The following RORA variants were observed in gnomAD, a reference collection of about 807,000 sequenced individuals.
The protein encoded by RORA is RAR related orphan receptor A.
In RORA, 7 loss-of-function variants were observed where a neutral mutation model predicts 69.5. The observed-to-expected ratio is 0.10, with a 90% confidence interval of 0.06 to 0.19. RORA has a LOEUF of 0.19. Ranked by LOEUF, RORA falls within the 10% of genes least tolerant of loss-of-function variation. The pLI, the probability that RORA is intolerant of heterozygous loss-of-function variation, is 1.00. For missense variants in RORA, 457 were observed against 663.0 expected, an observed-to-expected ratio of 0.69 and a Z score of 3.41; for synonymous variants, 261 against 240.8, an observed-to-expected ratio of 1.08 and a Z score of -0.78.
At position 60,950,582 on chromosome 15, in the gene RORA, G is replaced by C. The variant is rs1478878995; in HGVS notation, c.167-271896C>G. Among the ~76,000 whole-genome samples the C allele has an allele frequency of 6.3e-3, 855 of 136,658 alleles. 9 individuals are homozygous for C. Among genetic ancestry groups the C allele is most frequent in the African/African-American group, 0.023 (814 of 35,746 alleles). 89.7% of individuals were successfully genotyped at this position (136,658 alleles called of 152,430 possible). On this transcript the variant is annotated intron_variant, in intron 1 of 10. Coordinates refer to ENST00000335670, the MANE Select transcript of RORA (RefSeq NM_134261.3). ...AGACACACATAGGCTCAAAATAAAA[G>C]GATGGAGGAAGATCTACCAAGCAAA...
intron 2 of RORA, among the ~76,000 whole-genome samples, chr15:60,578,659 C>A (rs2068097975): frequency 6.6e-6 from 1 of 151,980 alleles, no homozygotes; most frequent in Non-Finnish European, 1.5e-5. Flanking sequence ...TTTATGCAAA[C>A]TTCCAATTTT....
intron 2 of RORA, among the ~76,000 whole-genome samples, chr15:60,590,250 C>T (rs1440480190): frequency 6.6e-6 from 1 of 151,396 alleles, no homozygotes; most frequent in African/African-American, 2.4e-5. Flanking sequence ...ACTTCTGAGG[C>T]ACTTTTTTCA....
At chr15:60,670,056 TC>T (rs2070440950) in intron 2 of RORA, among the ~76,000 whole-genome samples, 1 of 152,168 alleles carries the variant, frequency 6.6e-6, no homozygotes, top group South Asian at 2.1e-4. Flanking sequence ...CAGCCTCTGT[TC>T]CTCAGACCCC....
intron 1 of RORA, among the ~76,000 whole-genome samples, chr15:61,212,478 C>A (rs2080002204): frequency 6.6e-6 from 1 of 152,206 alleles, no homozygotes; most frequent in South Asian, 2.1e-4. Flanking sequence ...CAGCTCCCTG[C>A]AACCTCTGCC....
In RORA at chr15:60,525,650, G is replaced by C. The variant is rs1240417320; in HGVS notation, c.282+6116C>G. On this transcript the variant is annotated intron_variant, in intron 3 of 10. Coordinates refer to ENST00000335670, the MANE Select transcript of RORA (RefSeq NM_134261.3). ...CATAACTCTGTGATTTATTGTGAAT[G>C]CTCGTATGCCTGCCCAAATTATTGT... Among the ~76,000 whole-genome samples the C allele has an allele frequency of 2.0e-5, 3 of 152,282 alleles. No homozygotes were observed. In the East Asian group the frequency reaches 5.8e-4, roughly 29 times the overall value.
chr15:60,757,843 C>T (rs76511900), intron 1 of RORA, among the ~76,000 whole-genome samples: 4,356 of 152,244 alleles, frequency 0.029, 212 homozygotes, highest in African/African-American at 0.1. Flanking sequence ...CCTCTTCCCT[C>T]CTTCCTTTTC....
At chr15:61,003,353 T>G in intron 1 of RORA, among the ~76,000 whole-genome samples, 1 of 152,186 alleles carries the variant, frequency 6.6e-6, no homozygotes, top group East Asian at 1.9e-4. Context: ...ATTTGAAATC[T>G]GGGGATTCCA....
intron 1 of RORA, among the ~76,000 whole-genome samples, chr15:61,004,282 A>AAG (rs35135599): frequency 1.1e-4 from 16 of 151,778 alleles, no homozygotes; most frequent in African/African-American, 3.6e-4. Flanking sequence ...GGGAGAGAGA[A>AAG]AGAGAGAGAG....
chr15:60,741,574 C>T (rs564523956), intron 1 of RORA, among the ~76,000 whole-genome samples: 171 of 152,282 alleles, frequency 1.1e-3, no homozygotes, highest in African/African-American at 3.9e-3. Context: ...CTGCTGTTGG[C>T]TCCTCCCTGT....
intron 1 of RORA, among the ~76,000 whole-genome samples, chr15:61,164,081 T>C (rs17237759): frequency 6.6e-6 from 1 of 151,992 alleles, no homozygotes; most frequent in South Asian, 2.1e-4. Context: ...CAAGAGAGTG[T>C]AGGTGTCTGT....
intron 5 of RORA, among the ~76,000 whole-genome samples, chr15:60,507,319 CTT>C (rs1212455427): frequency 2.6e-5 from 4 of 152,122 alleles, no homozygotes; most frequent in Non-Finnish European, 2.9e-5. Context: ...GGGAGAATAT[CTT>C]TTTGTTTGGA....
At chr15:61,045,608 G>T (rs757042929) in intron 1 of RORA, among the ~76,000 whole-genome samples, 3 of 152,086 alleles carry the variant, frequency 2.0e-5, no homozygotes, top group Non-Finnish European at 4.4e-5. Context: ...TCATCCAAGG[G>T]GTGTACCAGG....
At chr15:60,826,765 C>CT (rs869072094) in intron 1 of RORA, among the ~76,000 whole-genome samples, 54 of 85,614 alleles carry the variant, frequency 6.3e-4, no homozygotes, top group South Asian at 1.2e-3. Flanking sequence ...CTCTCTCTCT[C>CT]CCTCTCTCTC....
At chr15:61,091,925 G>A (rs985790965) in intron 1 of RORA, among the ~76,000 whole-genome samples, 1 of 152,102 alleles carries the variant, frequency 6.6e-6, no homozygotes, top group African/African-American at 2.4e-5. Flanking sequence ...TGTTAAAAAT[G>A]GTCTTTAAAC....
chr15:60,954,678 T>G (rs1893216033), intron 1 of RORA, among the ~76,000 whole-genome samples: 1 of 152,200 alleles, frequency 6.6e-6, no homozygotes, highest in Non-Finnish European at 1.5e-5. Flanking sequence ...CCTTGAAGTT[T>G]CAAGTGAAAT....
rs72754790 is a variant in RORA at position 61,062,291 on chromosome 15, T to C, written c.166+166762A>G. On this transcript the variant is annotated intron_variant, in intron 1 of 10. Transcript: ENST00000335670. ...CAGCTTCCCAAGTTTGTCTTTTTCTTAGTCCTTTCCCTGAGATGCAGGTCC... is the reference window on the plus strand; with the variant it reads ...CAGCTTCCCAAGTTTGTCTTTTTCTCAGTCCTTTCCCTGAGATGCAGGTCC... Among the ~76,000 whole-genome samples, 1,008 of 152,320 alleles carry C rather than the reference T, an allele frequency of 6.6e-3. 9 individuals are homozygous for C. The highest frequency in any genetic ancestry group is 9.9e-3 in the Admixed American group (152 of 15,300).
chr15:60,932,693 C>A (rs10519094), intron 1 of RORA, among the ~76,000 whole-genome samples: 10,674 of 152,204 alleles, frequency 0.07, 702 homozygotes, highest in African/African-American at 0.18. Flanking sequence ...CTGCAAATGA[C>A]TCAGTAGGTG....
At chr15:60,673,131 T>C (rs1296129127) in intron 2 of RORA, among the ~76,000 whole-genome samples, 1 of 152,234 alleles carries the variant, frequency 6.6e-6, no homozygotes, top group Non-Finnish European at 1.5e-5. Flanking sequence ...CAAATACTTT[T>C]TGTCCAAATG....
chr15:60,761,597 C>T (rs2071892860), intron 1 of RORA, among the ~76,000 whole-genome samples: 3 of 152,144 alleles, frequency 2.0e-5, no homozygotes, highest in Non-Finnish European at 4.4e-5. Context: ...AAATGGCTCA[C>T]TTACCAGCTT....
Sources: allele counts gnomAD v4.1 joint callset (sites outside exome capture counted in the v4.1 genomes callset), GRCh38; gene constraint gnomAD v4.1.1; transcripts MANE v1.5; gene names NCBI Gene and HGNC (gene_info 2026-07-23, HGNC 2026-07-21).